Variants in SLC10A7 observed in about 807,000 individuals in gnomAD.
The protein encoded by SLC10A7 is solute carrier family 10 member 7.
SLC10A7 carries 29 observed loss-of-function variants against 43.2 expected under a neutral mutation model. That is an observed-to-expected ratio of 0.67 (90% CI 0.50 to 0.92). The LOEUF is 0.92. SLC10A7 is among the 40% of genes least tolerant of loss of function. The pLI is 0.00. For synonymous variants in SLC10A7, 152 were observed against 144.8 expected (o/e 1.05, Z -0.35); for missense variants, 295 against 403.2 (o/e 0.73, Z 2.30).
intron 2 of SLC10A7, chr4:146,513,792 A>C (rs1344606948): frequency 3.3e-5 from 5 of 152,264 alleles, no homozygotes; most frequent in Non-Finnish European, 5.9e-5. Flanking sequence ...GAAAATAACA[A>C]GCAAGTAAAC....
At chr4:146,330,874 GCT>G (rs1733486111) in intron 5 of SLC10A7, among the ~76,000 whole-genome samples, 1 of 152,000 alleles carries the variant, frequency 6.6e-6, no homozygotes, top group South Asian at 2.1e-4. Context: ...TGAAGAGAAA[GCT>G]CTTTCTTATA....
chr4:146,479,820 C>T (rs1734313946), intron 4 of SLC10A7, among the ~76,000 whole-genome samples: 2 of 152,038 alleles, frequency 1.3e-5, no homozygotes, highest in Admixed American at 1.3e-4. Context: ...AATAAAAATT[C>T]CAATATCTTT....
chr4:146,453,628 A>C (rs1731789984), intron 4 of SLC10A7, among the ~76,000 whole-genome samples: 1 of 151,974 alleles, frequency 6.6e-6, no homozygotes, highest in Non-Finnish European at 1.5e-5. Context: ...AATAACCTAC[A>C]TTGTGCTGAG....
At chr4:146,297,776 T>C (rs185399336) in intron 7 of SLC10A7, among the ~76,000 whole-genome samples, 2 of 152,162 alleles carry the variant, frequency 1.3e-5, no homozygotes, top group Non-Finnish European at 2.9e-5. Flanking sequence ...TTATTAAATA[T>C]TGAGTAGATT....
At chr4:146,301,144 A>T (rs1578827035) in intron 7 of SLC10A7, among the ~76,000 whole-genome samples, 2 of 152,218 alleles carry the variant, frequency 1.3e-5, no homozygotes, top group East Asian at 3.8e-4. Flanking sequence ...AATAAATTAT[A>T]TTATTTCCTG....
chr4:146,470,471 T>C (rs193103480), intron 4 of SLC10A7, among the ~76,000 whole-genome samples: 1 of 152,138 alleles, frequency 6.6e-6, no homozygotes, highest in East Asian at 1.9e-4. Context: ...AAAGACATGC[T>C]ATAAAAGAAT....
At chr4:146,510,506 C>T (rs1257473665) in intron 2 of SLC10A7, among the ~76,000 whole-genome samples, 3 of 151,948 alleles carry the variant, frequency 2.0e-5, no homozygotes, top group Non-Finnish European at 4.4e-5. Context: ...TGATCTGCCC[C>T]CCTCAGCTTC....
chr4:146,325,497 T>A lies in SLC10A7; in HGVS notation c.471+464A>T, dbSNP rs557483875. ...AGAATGGAGGAGGTGTTACTTCCCA[T>A]TCTACAGATGAAAAAAATTGAGGCA... is the stretch of plus-strand genomic sequence containing the variant. On this transcript the variant is annotated intron_variant, in intron 6 of 11. Transcript: ENST00000335472. 2.2e-4 allele frequency among the ~76,000 whole-genome samples: 33 copies of A among 152,278 alleles called. No homozygotes were observed. In the East Asian group the frequency reaches 6.0e-3, roughly 28 times the overall value.
chr4:146,302,891 T>A (rs775894847), intron 7 of SLC10A7, among the ~76,000 whole-genome samples: 2 of 152,148 alleles, frequency 1.3e-5, no homozygotes, highest in Non-Finnish European at 1.5e-5. Flanking sequence ...TTAAAAAAAA[T>A]TAGTACATGT....
intron 5 of SLC10A7, among the ~76,000 whole-genome samples, chr4:146,382,338 C>A (rs919613433): frequency 3.3e-5 from 5 of 152,112 alleles, no homozygotes; most frequent in African/African-American, 4.8e-5. Context: ...TTCCATTGTG[C>A]CATCACTGTA....
intron 5 of SLC10A7, among the ~76,000 whole-genome samples, chr4:146,404,486 G>A (rs1345120365): frequency 2.0e-5 from 3 of 151,386 alleles, no homozygotes; most frequent in African/African-American, 7.3e-5. Context: ...ATGTGTGTGT[G>A]TGTGTGTGTG....
Position 146,413,504 on chromosome 4 carries a change from G to A in SLC10A7, c.435+29279C>T, listed in dbSNP as rs992362659. On this transcript the variant is annotated intron_variant, in intron 5 of 11. Transcript: ENST00000335472. ...TCTCCTTTCCTGCTTTCTATTTTCA[G>A]TATTTTACCTTCTAGCTGCTTCTTC... 8.5e-5 allele frequency among the ~76,000 whole-genome samples: 13 copies of A among 152,080 alleles called. No homozygotes were observed. The East Asian group carries it at 2.3e-3, about 27-fold the overall frequency.
At chr4:146,442,687 C>G in intron 5 of SLC10A7, 96 bp downstream of exon 5, 1 of 1,545,052 alleles carries the variant, frequency 6.5e-7, no homozygotes, top group South Asian at 1.3e-5. Flanking sequence ...TTATACTTAA[C>G]CAAAGAGTAA....
At position 146,508,144 on chromosome 4, in the gene SLC10A7, C is replaced by T. The variant is rs142405705; in HGVS notation, c.320+1769G>A. 1.1e-3 allele frequency among the ~76,000 whole-genome samples: 162 copies of T among 152,280 alleles called. 1 individual carries two copies. The highest frequency in any genetic ancestry group is 3.8e-3 in the African/African-American group (157 of 41,554). ...TTTTATCTTTGTATCTCATTAATGCCGCATTTTTGAAATCTCTACGAGTAC... is the reference window on the plus strand; with the variant it reads ...TTTTATCTTTGTATCTCATTAATGCTGCATTTTTGAAATCTCTACGAGTAC... On this transcript the variant is annotated intron_variant, in intron 3 of 11. Coordinates refer to ENST00000335472, the MANE Select transcript of SLC10A7 (RefSeq NM_001029998.6).
At chr4:146,393,374 T>C (rs1254996553) in intron 5 of SLC10A7, among the ~76,000 whole-genome samples, 2 of 152,080 alleles carry the variant, frequency 1.3e-5, no homozygotes, top group African/African-American at 4.8e-5. Context: ...TTAAGAAATA[T>C]GTACAAGATC....
chr4:146,317,790 C>A (rs1578867743), intron 6 of SLC10A7, among the ~76,000 whole-genome samples: 1 of 152,010 alleles, frequency 6.6e-6, no homozygotes, highest in African/African-American at 2.4e-5. Flanking sequence ...GCCACCACCC[C>A]CAACCCCCAG....
intron 4 of SLC10A7, among the ~76,000 whole-genome samples, chr4:146,493,653 C>T (rs1392557811): frequency 6.6e-6 from 1 of 152,164 alleles, no homozygotes; most frequent in African/African-American, 2.4e-5. Context: ...CCCTTTACCT[C>T]GTTCTAAACT....
intron 5 of SLC10A7, among the ~76,000 whole-genome samples, chr4:146,430,455 T>C (rs1470016672): frequency 6.6e-6 from 1 of 152,032 alleles, no homozygotes. Context: ...CCAAAATCAA[T>C]GGATAAAAAT....
At chr4:146,424,635 G>A (rs955987453) in intron 5 of SLC10A7, among the ~76,000 whole-genome samples, 3 of 151,710 alleles carry the variant, frequency 2.0e-5, no homozygotes, top group Non-Finnish European at 2.9e-5. Context: ...ACTGTAGCCT[G>A]GGTGACAGAG....
Sources: allele counts gnomAD v4.1 joint callset (sites outside exome capture counted in the v4.1 genomes callset), GRCh38; gene constraint gnomAD v4.1.1; transcripts MANE v1.5; gene names NCBI Gene and HGNC (gene_info 2026-07-23, HGNC 2026-07-21).